The following LRRTM4 variants were observed in gnomAD, a reference collection of about 807,000 sequenced individuals.
The protein encoded by LRRTM4 is leucine-rich repeat transmembrane neuronal protein 4.
Under a neutral mutation model 47.6 loss-of-function variants are expected in LRRTM4, and 25 were observed. The ratio of observed to expected loss-of-function variants is 0.53; its 90% confidence interval spans 0.38 to 0.73. The LOEUF is 0.73. Among genes scored for constraint, LRRTM4 ranks in the 30% least tolerant of loss-of-function variants. The probability of loss-of-function intolerance (pLI) is 0.00; values close to 1 mark genes in which losing one functional copy is unlikely to be tolerated. For synonymous variants in LRRTM4, 311 were observed against 269.5 expected, an observed-to-expected ratio of 1.15 and a Z score of -1.51; for missense variants, 638 against 713.4, an observed-to-expected ratio of 0.89 and a Z score of 1.20.
chr2:77,303,886 T>C (rs1237617648), intron 3 of LRRTM4, among the ~76,000 whole-genome samples: 1 of 152,194 alleles, frequency 6.6e-6, no homozygotes, highest in Non-Finnish European at 1.5e-5. Context: ...ATTTCATATC[T>C]TGGCTATTGT....
At chr2:77,234,590 G>A (rs1422279319) in intron 3 of LRRTM4, among the ~76,000 whole-genome samples, 1 of 152,010 alleles carries the variant, frequency 6.6e-6, no homozygotes, top group Non-Finnish European at 1.5e-5. Flanking sequence ...CAGATTTATA[G>A]GATCATTTGG....
chr2:76,778,682 T>C lies in LRRTM4; in HGVS notation c.1552-29766A>G, dbSNP rs1374802792. ...CTTTATTAGTCTTGCTAGCGGTCTA[T>C]CAATTTTGTTGATCCTTTCAAAAAA... On this transcript the variant is annotated intron_variant, in intron 3 of 3. Transcript: ENST00000409884. Among the ~76,000 whole-genome samples, 8 of 152,002 alleles carry C rather than the reference T, an allele frequency of 5.3e-5. No homozygotes were observed. In the East Asian group the frequency reaches 1.6e-3, roughly 29 times the overall value.
At chr2:77,216,769 C>T (rs558564628) in intron 3 of LRRTM4, among the ~76,000 whole-genome samples, 2 of 150,432 alleles carry the variant, frequency 1.3e-5, no homozygotes, top group South Asian at 4.3e-4. Context: ...GCATCTGTAT[C>T]ACTTAGAGAG....
chr2:77,111,791 ACTTT>A (rs1481474066), intron 3 of LRRTM4, among the ~76,000 whole-genome samples: 6 of 152,342 alleles, frequency 3.9e-5, no homozygotes, highest in Middle Eastern at 3.4e-3. Flanking sequence ...GCTGGAAATT[ACTTT>A]CTTTAAGTAA....
chr2:76,905,192 G>A (rs577001772), intron 3 of LRRTM4, among the ~76,000 whole-genome samples: 48 of 152,256 alleles, frequency 3.2e-4, no homozygotes, highest in African/African-American at 9.6e-4. Context: ...TGCAGTTCAC[G>A]AAAAACCACT....
At chr2:77,089,184 C>T (rs185428836) in intron 3 of LRRTM4, among the ~76,000 whole-genome samples, 2 of 143,784 alleles carry the variant, frequency 1.4e-5, no homozygotes, top group Admixed American at 1.4e-4. Context: ...CTCTCCTTGT[C>T]TCTACCCCTT....
intron 3 of LRRTM4, among the ~76,000 whole-genome samples, chr2:76,986,392 G>A (rs575757287): frequency 6.6e-5 from 10 of 151,292 alleles, no homozygotes; most frequent in Non-Finnish European, 1.5e-4. Context: ...TATGATGTCT[G>A]CAAGAGCTAA....
intron 3 of LRRTM4, among the ~76,000 whole-genome samples, chr2:77,110,693 A>G (rs1185013872): frequency 2.0e-5 from 3 of 152,192 alleles, no homozygotes; most frequent in South Asian, 4.1e-4. Context: ...GTAGTATGCA[A>G]TTATTAATAA....
At chr2:77,090,954 T>C (rs1265274392) in intron 3 of LRRTM4, among the ~76,000 whole-genome samples, 1 of 152,088 alleles carries the variant, frequency 6.6e-6, no homozygotes, top group Non-Finnish European at 1.5e-5. Flanking sequence ...ATACGGAGGC[T>C]ACCCGCTCCA....
chr2:77,460,702 A>G (rs1391696194), intron 3 of LRRTM4, among the ~76,000 whole-genome samples: 1 of 152,142 alleles, frequency 6.6e-6, no homozygotes, highest in Non-Finnish European at 1.5e-5. Flanking sequence ...TATTTTAAGT[A>G]TTTGAATTGA....
intron 3 of LRRTM4, among the ~76,000 whole-genome samples, chr2:77,177,147 G>T (rs1673222574): frequency 6.6e-6 from 1 of 152,118 alleles, no homozygotes; most frequent in African/African-American, 2.4e-5. Context: ...CTATGGAGTA[G>T]CCACACTTTT....
chr2:76,973,739 G>T (rs776047774), intron 3 of LRRTM4, among the ~76,000 whole-genome samples: 16 of 151,824 alleles, frequency 1.1e-4, no homozygotes, highest in Non-Finnish European at 2.2e-4. Context: ...ATGTATAAAG[G>T]ATGACAAAAT....
chr2:77,308,733 C>T (rs1304563610), intron 3 of LRRTM4, among the ~76,000 whole-genome samples: 3 of 151,756 alleles, frequency 2.0e-5, no homozygotes, highest in African/African-American at 2.4e-5. Flanking sequence ...GACCTACTGT[C>T]TCTTAGGCCA....
intron 3 of LRRTM4, among the ~76,000 whole-genome samples, chr2:77,091,685 C>A (rs1262614862): frequency 6.7e-6 from 1 of 149,450 alleles, no homozygotes; most frequent in Admixed American, 6.7e-5. Flanking sequence ...TTCACTTGGA[C>A]TGACCCTGAC....
At chr2:77,048,779 A>G (rs1337424585) in intron 3 of LRRTM4, among the ~76,000 whole-genome samples, 1 of 151,772 alleles carries the variant, frequency 6.6e-6, no homozygotes, top group African/African-American at 2.4e-5. Context: ...AGAACATTCA[A>G]AGTCCATTCT....
At chr2:76,782,193 A>G (rs1022758870) in intron 3 of LRRTM4, among the ~76,000 whole-genome samples, 7 of 152,204 alleles carry the variant, frequency 4.6e-5, no homozygotes, top group Non-Finnish European at 1.0e-4. Context: ...TGTAAGATTT[A>G]CGGGCCTGCT....
chr2:77,362,750 C>T (rs1372521899), intron 3 of LRRTM4, among the ~76,000 whole-genome samples: 1 of 152,080 alleles, frequency 6.6e-6, no homozygotes, highest in Non-Finnish European at 1.5e-5. Context: ...CTTTCTTTTA[C>T]TTTTTGTTCG....
chr2:77,476,964 A>ATGTGTGTGTGTGTG (rs59247356), intron 3 of LRRTM4, among the ~76,000 whole-genome samples: 4 of 143,896 alleles, frequency 2.8e-5, no homozygotes, highest in Middle Eastern at 3.5e-3. Context: ...TTTGTAAGAG[A>ATGTGTGTGTGTGTG]TGTGTGTGTG....
chr2:76,777,699 C>T (rs1425113840), intron 3 of LRRTM4, among the ~76,000 whole-genome samples: 1 of 150,562 alleles, frequency 6.6e-6, no homozygotes, highest in Non-Finnish European at 1.5e-5. Context: ...ATCATGTCGT[C>T]TGCAAACAGG....
Sources: gnomAD v4.1 joint callset for allele counts (sites outside exome capture counted in the v4.1 genomes callset) on GRCh38, gnomAD v4.1.1 for gene constraint, MANE v1.5 for transcripts, NCBI Gene and HGNC (gene_info 2026-07-23, HGNC 2026-07-21) for gene names.